Variants in GPN1 observed in about 807,000 individuals in gnomAD.
GPN1 encodes GPN-loop GTPase 1, also known as ATP(GTP)-binding protein.
In GPN1, 44 loss-of-function variants were observed where a neutral mutation model predicts 55.9. The observed-to-expected ratio is 0.79, with a 90% CI of 0.62 to 1.01. The LOEUF is 1.01. Among genes scored for constraint, GPN1 ranks in the 50% least tolerant of loss-of-function variants. GPN1 has a pLI of 0.00. For synonymous variants in GPN1, 179 were observed against 162.5 expected, an observed-to-expected ratio of 1.10 and a Z score of -0.77; for missense variants, 466 against 462.8, an observed-to-expected ratio of 1.01 and a Z score of -0.06.
In GPN1 at chr2:27,643,197, A is replaced by T. The variant is rs1054550103; in HGVS notation, c.931+678A>T. On this transcript the variant is annotated intron_variant, in intron 12 of 13. Transcript: ENST00000610189. This position sits in a 1 kb window ranked among gnomAD's most constrained non-coding sequence, Gnocchi z 4.0. The stretch of plus-strand genomic sequence containing the variant: ...TCAATTTTTTTTATAATTAAAAAAA[A>T]TTTTTTTTTTTTTACAGTTTGACCT... 7.3e-4 allele frequency among the ~76,000 whole-genome samples: 106 copies of T among 144,460 alleles called. No homozygotes were observed. Among genetic ancestry groups the T allele is most frequent in the East Asian group, 5.8e-3 (29 of 5,008 alleles). 94.8% of individuals were successfully genotyped at this position (144,460 alleles called of 152,430 possible).
chr2:27,648,152 C>T (rs2148091710), intron 13 of GPN1, among the ~76,000 whole-genome samples: 1 of 152,294 alleles, frequency 6.6e-6, no homozygotes, highest in Admixed American at 6.5e-5. Context: ...GGTCTTGTGT[C>T]TTCTTATCTT....
intron 12 of GPN1, among the ~76,000 whole-genome samples, chr2:27,644,044 G>A (rs1674094487): frequency 6.6e-6 from 1 of 152,154 alleles, no homozygotes; most frequent in Non-Finnish European, 1.5e-5. Flanking sequence ...GCTGGGCGTG[G>A]TCGTGCATGT....
chr2:27,638,383 A>G (rs563565490), intron 8 of GPN1, 128 bp downstream of exon 8: 35 of 612,318 alleles, frequency 5.7e-5, no homozygotes, highest in African/African-American at 1.7e-4. Flanking sequence ...AAACAAATTC[A>G]TAGGCACTTC....
intron 7 of GPN1, 34 bp from the exon 8 acceptor site, chr2:27,638,175 CT>C: frequency 1.6e-6 from 2 of 1,238,136 alleles, no homozygotes; most frequent in Non-Finnish European, 2.4e-6. Context: ...AGCTTATGTG[CT>C]TTTACTAATA....
In GPN1 at chr2:27,629,071, G is replaced by T; in HGVS notation, c.13G>T (p.Ala5Ser). 6.2e-7 allele frequency: 1 copy of T among 1,614,202 alleles called. No homozygotes were observed. The highest frequency in any genetic ancestry group is 8.5e-7 in the Non-Finnish European group (1 of 1,180,024). ...GGCCAGGAGGAAGATGGCGGCGTCC[G>T]CAGCTGCCGCTGAGCTCCAGGCTTC... MAAS[A>S]AAAELQASGG... The change falls in exon 1 of 14, where the codon GCA becomes TCA. Residue 5 changes from alanine (A) to serine (S), a missense_variant. By Grantham distance (99) the Ala-to-Ser change is moderately conservative (BLOSUM62 1). Transcript: ENST00000610189.
chr2:27,647,108 T>G (rs1211478638), intron 12 of GPN1, among the ~76,000 whole-genome samples: 1 of 152,192 alleles, frequency 6.6e-6, no homozygotes, highest in African/African-American at 2.4e-5. Context: ...GTCATCCTCC[T>G]TTTTCAGGCC....
At chr2:27,629,425 A>C (rs1356838913) in intron 1 of GPN1, 1 of 1,549,886 alleles carries the variant, frequency 6.5e-7, no homozygotes, top group South Asian at 1.2e-5. Flanking sequence ...CTTGCTGATA[A>C]AATTGCGTTT....
chr2:27,628,846 C>T, upstream of GPN1: 3 of 1,467,772 alleles, frequency 2.0e-6, no homozygotes, highest in Non-Finnish European at 2.7e-6. Context: ...TTCAGCCTTC[C>T]TCTCGCTTGC....
Position 27,647,002 on chromosome 2 carries a change from G to A in GPN1, c.932-834G>A, listed in dbSNP as rs142628734. Among the ~76,000 whole-genome samples the A allele has an allele frequency of 1.6e-3, 237 of 152,326 alleles. 1 individual carries two copies. Among genetic ancestry groups the A allele is most frequent in the Non-Finnish European group, 2.6e-3 (179 of 68,020 alleles). On this transcript the variant is annotated intron_variant, in intron 12 of 13. Transcript: ENST00000610189. ...TGCTGTAGTCAGCTAACCTGTTGAA[G>A]GTTGGGAGAGTTTAAGTAAATCATT... is the stretch of plus-strand genomic sequence containing the variant.
chr2:27,634,955 A>T (rs1446608533), intron 6 of GPN1, 31 bp downstream of exon 6: 2 of 1,281,124 alleles, frequency 1.6e-6, no homozygotes, highest in East Asian at 4.6e-5. Flanking sequence ...TACTGAGAGT[A>T]GCTAGAGGGG....
At chr2:27,641,979 A>C (rs1673974512) in intron 11 of GPN1, 2 of 153,936 alleles carry the variant, frequency 1.3e-5, no homozygotes, top group African/African-American at 4.8e-5. Flanking sequence ...TGCTATGTCT[A>C]CTTCAGGTTT....
At chr2:27,641,829 G>T (rs982666330) in intron 11 of GPN1, among the ~76,000 whole-genome samples, 5 of 152,096 alleles carry the variant, frequency 3.3e-5, no homozygotes, top group Admixed American at 6.6e-5. Context: ...AAATTCCTGA[G>T]CTCCTGCAGT....
intron 4 of GPN1, among the ~76,000 whole-genome samples, chr2:27,632,420 T>G (rs896339881): frequency 6.6e-5 from 10 of 152,238 alleles, no homozygotes; most frequent in African/African-American, 2.4e-4. Context: ...ATCCTTGGAT[T>G]GTGCCCCAAG....
chr2:27,643,175 A>G lies in GPN1; in HGVS notation c.931+656A>G, dbSNP rs1295998458. 1.3e-5 allele frequency among the ~76,000 whole-genome samples: 2 copies of G among 149,832 alleles called. No individual in the cohort carries two copies. Among genetic ancestry groups the G allele is most frequent in the East Asian group, 3.9e-4 (2 of 5,120 alleles). Reference sequence around the variant, plus strand: ...TTTCTAACACTTTTAACCCTCCTCAATTTTTTTTATAATTAAAAAAAATTT... The same window carrying G: ...TTTCTAACACTTTTAACCCTCCTCAGTTTTTTTTATAATTAAAAAAAATTT... On this transcript the variant is annotated intron_variant, in intron 12 of 13. Transcript: ENST00000610189. This position sits in a 1 kb window ranked among gnomAD's most constrained non-coding sequence, Gnocchi z 4.0.
intron 12 of GPN1, among the ~76,000 whole-genome samples, chr2:27,642,956 T>C (rs868450237): frequency 0.063 from 5,351 of 85,360 alleles, 340 homozygotes; most frequent in Admixed American, 0.26. Flanking sequence ...TATATATATA[T>C]ATACACACAC....
rs987014119 is a variant in GPN1 at position 27,650,839 on chromosome 2, A to G, written c.*639A>G. On this transcript the variant is annotated 3_prime_UTR_variant, in exon 14 of 14. Transcript: ENST00000610189. ...TTGGTGACTTGGATAAAGACTTTTTAATTTTAACTTTGTTCTAAGACTGCT... is the reference window on the plus strand; with the variant it reads ...TTGGTGACTTGGATAAAGACTTTTTGATTTTAACTTTGTTCTAAGACTGCT... The G allele has an allele frequency of 3.3e-5, 5 of 152,828 alleles. No individual in the cohort carries two copies. Among genetic ancestry groups the G allele is most frequent in the Non-Finnish European group, 7.3e-5 (5 of 68,038 alleles). The allele number at this position is 152,828 out of a possible 1,614,324, so 9.5% of individuals were successfully genotyped here.
At chr2:27,631,453 C>A in intron 3 of GPN1, 1 of 411,984 alleles carries the variant, frequency 2.4e-6, no homozygotes, top group South Asian at 2.8e-5. Flanking sequence ...GTACTCTCTC[C>A]GTAGGCAAGT....
At chr2:27,646,505 T>G (rs1049220620) in intron 12 of GPN1, among the ~76,000 whole-genome samples, 1 of 152,246 alleles carries the variant, frequency 6.6e-6, no homozygotes, top group Admixed American at 6.5e-5. Flanking sequence ...TTAAAAATTT[T>G]TTTTTAGTTT....
chr2:27,642,201 C>T (rs1452056025), intron 11 of GPN1: 9 of 427,146 alleles, frequency 2.1e-5, no homozygotes, highest in South Asian at 3.7e-5. Flanking sequence ...TTTTGTGTTC[C>T]GTTTCTGAAC....
Sources: gnomAD v4.1 joint callset for allele counts (sites outside exome capture counted in the v4.1 genomes callset) on GRCh38, gnomAD v4.1.1 for gene constraint, Gnocchi (gnomAD v3.1) non-coding constraint, MANE v1.5 for transcripts, NCBI Gene and HGNC (gene_info 2026-07-23, HGNC 2026-07-21) for gene names.